NCMAP: variants seen among roughly 807,000 people sequenced by gnomAD.
The protein encoded by NCMAP is non-compact myelin associated protein.
Under a neutral mutation model 7.8 loss-of-function variants are expected in NCMAP, and 8 were observed. The observed-to-expected ratio is 1.02, with a 90% CI of 0.60 to 1.84. The LOEUF (loss-of-function observed/expected upper bound fraction) is 1.84, where lower values mean the gene tolerates loss of function less well. Among genes scored for constraint, NCMAP ranks in the 40% most tolerant of loss-of-function variants. The pLI is 0.00. For missense variants in NCMAP, 112 were observed against 131.4 expected, an observed-to-expected ratio of 0.85 and a Z score of 0.72; for synonymous variants, 41 against 52.9, an observed-to-expected ratio of 0.78 and a Z score of 0.98.
intron 1 of NCMAP, among the ~76,000 whole-genome samples, chr1:24,578,871 G>A (rs1477573471): frequency 6.6e-6 from 1 of 152,060 alleles, no homozygotes; most frequent in African/African-American, 2.4e-5. Flanking sequence ...CTGACTGAGA[G>A]CTTTGTTTTC....
chr1:24,572,299 C>T (rs1346896417), intron 1 of NCMAP, among the ~76,000 whole-genome samples: 1 of 150,690 alleles, frequency 6.6e-6, no homozygotes, highest in Non-Finnish European at 1.5e-5. Flanking sequence ...TAGAGATGGG[C>T]TCCGTATCCC....
chr1:24,590,969 G>A (rs1490586198), intron 1 of NCMAP, among the ~76,000 whole-genome samples: 9 of 152,284 alleles, frequency 5.9e-5, no homozygotes, highest in East Asian at 3.9e-4. Flanking sequence ...GAGGCAGTTC[G>A]TTTTACAGAT....
In NCMAP at chr1:24,594,437, T is replaced by C. The variant is rs1034105091; in HGVS notation, c.-7-987T>C. ...TGACCGGTTGATTCACTCAACCACC[T>C]TGAGTCCCAGCTTGCTCAGTAGGAG... On this transcript the variant is annotated intron_variant, in intron 1 of 3. Coordinates refer to ENST00000374392, the MANE Select transcript of NCMAP (RefSeq NM_001010980.5). Among the ~76,000 whole-genome samples, 6 of 152,160 alleles carry C rather than the reference T, an allele frequency of 3.9e-5. No homozygotes were observed. In the South Asian group the frequency reaches 1.0e-3, roughly 26 times the overall value.
chr1:24,570,110 AT>A lies in NCMAP; in HGVS notation c.-8+13957del, dbSNP rs750896180. ...CAGATGTGAGCCACCACACCTGGAA[AT>A]TTTTTTTTTTTTTTTGTGGAGACGG... On this transcript the variant is annotated intron_variant, in intron 1 of 3. Coordinates refer to ENST00000374392, the MANE Select transcript of NCMAP (RefSeq NM_001010980.5). Among the ~76,000 whole-genome samples the A allele has an allele frequency of 8.4e-3, 1,175 of 139,578 alleles. 17 individuals are homozygous for A. Among genetic ancestry groups the A allele is most frequent in the Admixed American group, 0.014 (197 of 14,112 alleles). 91.6% of individuals were successfully genotyped at this position (139,578 alleles called of 152,430 possible). A position where few individuals can be genotyped will look rare whatever the true frequency, so the allele number is the denominator to read the frequency against.
chr1:24,597,594 GAAGAAAGAAAGAAAGAAAGAAAGAGA>G (rs1557602424), intron 2 of NCMAP, among the ~76,000 whole-genome samples: 8 of 92,644 alleles, frequency 8.6e-5, no homozygotes, highest in African/African-American at 3.3e-4. Flanking sequence ...AGAGAAGAAA[GAAGAAAGAAAGAAAGAAAGAAAGAGA>G]AAGAAAGAAA....
chr1:24,591,468 A>G (rs531034656), intron 1 of NCMAP, among the ~76,000 whole-genome samples: 24 of 152,336 alleles, frequency 1.6e-4, no homozygotes, highest in Non-Finnish European at 2.8e-4. Context: ...TGGTTTCACC[A>G]TGTTGGCCAG....
rs766944462 is a variant in NCMAP, at chr1:24,570,615, G to A, written c.-8+14446G>A. On this transcript the variant is annotated intron_variant, in intron 1 of 3. Transcript: ENST00000374392. ...TCCAGGTCAGTCTGACCCCACAGCC[G>A]AAGAGTTTAATGACCCCATGGTGCC... 5.2e-4 allele frequency among the ~76,000 whole-genome samples: 79 copies of A among 151,136 alleles called. 2 individuals are homozygous for A. Among genetic ancestry groups the A allele is most frequent in the Middle Eastern group, 6.8e-3 (2 of 292 alleles).
At chr1:24,594,934 A>G (rs1226424671) in intron 1 of NCMAP, among the ~76,000 whole-genome samples, 1 of 152,064 alleles carries the variant, frequency 6.6e-6, no homozygotes, top group East Asian at 1.9e-4. Context: ...TCATCTGTTT[A>G]TTTATTTATT....
At chr1:24,598,006 T>A (rs1652320532) in intron 2 of NCMAP, among the ~76,000 whole-genome samples, 2 of 152,110 alleles carry the variant, frequency 1.3e-5, no homozygotes, top group Non-Finnish European at 2.9e-5. Flanking sequence ...GCAACTGGCA[T>A]CTAGTAGATA....
intron 1 of NCMAP, among the ~76,000 whole-genome samples, chr1:24,577,095 G>A (rs979700276): frequency 4.6e-5 from 7 of 152,068 alleles, no homozygotes; most frequent in Admixed American, 3.3e-4. Flanking sequence ...CCAAGATTGC[G>A]CCACTGCACT....
At chr1:24,572,017 C>T (rs1487223661) in intron 1 of NCMAP, among the ~76,000 whole-genome samples, 4 of 150,912 alleles carry the variant, frequency 2.7e-5, no homozygotes, top group Non-Finnish European at 5.9e-5. Flanking sequence ...AATAGCCATG[C>T]GTGGCCAGGG....
At chr1:24,599,384 A>C (rs990340398) in intron 2 of NCMAP, among the ~76,000 whole-genome samples, 1 of 152,160 alleles carries the variant, frequency 6.6e-6, no homozygotes, top group South Asian at 2.1e-4. Flanking sequence ...CTACAAGGAC[A>C]TCATCACAGC....
In NCMAP at chr1:24,605,603, C is replaced by G; in HGVS notation, c.168-3C>G. ...CAACCATGTGCACATTATCTCCCTA[C>G]AGGAAAATGAGGACGAGGCGGGAAC... On this transcript the variant is annotated splice_region_variant and splice_polypyrimidine_tract_variant and intron_variant, in intron 3 of 3. Transcript: ENST00000374392. The G allele has an allele frequency of 6.2e-7, 1 of 1,614,134 alleles. No homozygotes were observed. Among genetic ancestry groups the G allele is most frequent in the Non-Finnish European group, 8.5e-7 (1 of 1,179,986 alleles).
chr1:24,609,265 G>A lies in NCMAP; in HGVS notation c.*3518G>A, dbSNP rs1329416728. Reference sequence around the variant, plus strand: ...GCAGATGCTGCCTTATTTGGCCACTGAAACAATCAAAGCTAATAAATGCTT... The same window carrying A: ...GCAGATGCTGCCTTATTTGGCCACTAAAACAATCAAAGCTAATAAATGCTT... On this transcript the variant is annotated 3_prime_UTR_variant, in exon 4 of 4. Transcript: ENST00000374392. The A allele has an allele frequency of 6.6e-6, 1 of 152,160 alleles. No homozygotes were observed. Among genetic ancestry groups the A allele is most frequent in the Non-Finnish European group, 1.5e-5 (1 of 68,016 alleles). The allele number at this position is 152,160 out of a possible 1,614,324, so 9.4% of individuals were successfully genotyped here.
At chr1:24,594,488 T>C (rs1652152870) in intron 1 of NCMAP, among the ~76,000 whole-genome samples, 3 of 152,106 alleles carry the variant, frequency 2.0e-5, no homozygotes, top group Admixed American at 1.3e-4. Flanking sequence ...CACTTCTCAG[T>C]GCCTGAGAGG....
At chr1:24,599,815 A>C (rs1652404546) in intron 2 of NCMAP, among the ~76,000 whole-genome samples, 1 of 44,790 alleles carries the variant, frequency 2.2e-5, no homozygotes, top group Non-Finnish European at 3.8e-5. Flanking sequence ...TGACCTCGTG[A>C]TCCGCCCCCC....
At position 24,582,178 on chromosome 1, in the gene NCMAP, G is replaced by A. The variant is rs569278988; in HGVS notation, c.-7-13246G>A. Reference sequence around the variant, plus strand: ...GTGCCGACCACCCCCTGCACACATCGGATCCACCTCAGTGCCTCCCGTGGT... The same window carrying A: ...GTGCCGACCACCCCCTGCACACATCAGATCCACCTCAGTGCCTCCCGTGGT... On this transcript the variant is annotated intron_variant, in intron 1 of 3. Coordinates refer to ENST00000374392, the MANE Select transcript of NCMAP (RefSeq NM_001010980.5). 3.9e-5 allele frequency among the ~76,000 whole-genome samples: 6 copies of A among 152,174 alleles called. No homozygotes were observed. In the South Asian group the frequency reaches 8.3e-4, roughly 21 times the overall value.
chr1:24,573,044 G>A (rs142899955), intron 1 of NCMAP, among the ~76,000 whole-genome samples: 5 of 150,610 alleles, frequency 3.3e-5, no homozygotes, highest in Non-Finnish European at 7.4e-5. Context: ...AACCATGACT[G>A]TGTGGGAAGT....
chr1:24,591,231 G>C (rs1449898706), intron 1 of NCMAP, among the ~76,000 whole-genome samples: 1 of 152,318 alleles, frequency 6.6e-6, no homozygotes, highest in East Asian at 1.9e-4. Flanking sequence ...ATTTCAGTAT[G>C]AGTAGGAGTC....
Sources: allele counts gnomAD v4.1 joint callset (sites outside exome capture counted in the v4.1 genomes callset), GRCh38; gene constraint gnomAD v4.1.1; transcripts MANE v1.5; gene names NCBI Gene and HGNC (gene_info 2026-07-23, HGNC 2026-07-21).